BAG4: variants seen among roughly 807,000 people sequenced by gnomAD.
The protein encoded by BAG4 is BAG cochaperone 4.
In BAG4, 28 loss-of-function variants were observed where a neutral mutation model predicts 52.1. That is an observed-to-expected ratio of 0.54 (90% confidence interval 0.40 to 0.74). The LOEUF is 0.74. Ranked by LOEUF, BAG4 falls within the 30% of genes least tolerant of loss-of-function variation. The pLI is 0.00. For synonymous variants in BAG4, 208 were observed against 217.0 expected, an observed-to-expected ratio of 0.96 and a Z score of 0.37; for missense variants, 525 against 572.0, an observed-to-expected ratio of 0.92 and a Z score of 0.84.
chr8:38,182,762 C>T (rs1418978182), intron 1 of BAG4, among the ~76,000 whole-genome samples: 1 of 151,958 alleles, frequency 6.6e-6, no homozygotes, highest in Non-Finnish European at 1.5e-5. Context: ...CAGACTTTCA[C>T]TGTTACTAGG....
chr8:38,190,525 C>G (rs1479314997), intron 1 of BAG4, among the ~76,000 whole-genome samples: 1 of 150,668 alleles, frequency 6.6e-6, no homozygotes, highest in African/African-American at 2.4e-5. Context: ...AATTTCTGGA[C>G]TTTGCCTCTG....
intron 2 of BAG4, among the ~76,000 whole-genome samples, chr8:38,200,076 G>C (rs554386343): frequency 1.3e-5 from 2 of 149,902 alleles, no homozygotes; most frequent in South Asian, 2.1e-4. Flanking sequence ...TGCAATCTCT[G>C]CTCACTGAAA....
chr8:38,208,930 A>G, intron 3 of BAG4, 83 bp from the exon 4 acceptor site: 2 of 1,452,396 alleles, frequency 1.4e-6, no homozygotes, highest in Non-Finnish European at 1.9e-6. Flanking sequence ...GAAGAGAGGA[A>G]GCATCTCAGA....
chr8:38,186,223 A>G (rs1235359800), intron 1 of BAG4, among the ~76,000 whole-genome samples: 2 of 152,114 alleles, frequency 1.3e-5, no homozygotes, highest in African/African-American at 2.4e-5. Flanking sequence ...ACTGCTGAAA[A>G]TACTGGGGCT....
At chr8:38,187,866 C>CAAAA (rs35690753) in intron 1 of BAG4, among the ~76,000 whole-genome samples, 3 of 56,110 alleles carry the variant, frequency 5.3e-5, no homozygotes, top group Non-Finnish European at 1.1e-4. Context: ...ACTAAAAATA[C>CAAAA]AAAAAAAAAA....
In BAG4 at chr8:38,211,112, A is replaced by G. The variant is rs1010132175; in HGVS notation, c.*619A>G. 1.3e-5 allele frequency: 2 copies of G among 151,410 alleles called. No homozygotes were observed. The highest frequency in any genetic ancestry group is 2.4e-5 in the African/African-American group (1 of 41,204). The allele number at this position is 151,410 out of a possible 1,614,324, so 9.4% of individuals were successfully genotyped here. On this transcript the variant is annotated 3_prime_UTR_variant, in exon 5 of 5. Coordinates refer to ENST00000287322, the MANE Select transcript of BAG4 (RefSeq NM_004874.4). ...TAGTATGGCAGTTCTGAAAAAATTT[A>G]TATCTTTTCACCACTTGAATATACT...
intron 3 of BAG4, among the ~76,000 whole-genome samples, chr8:38,208,199 T>A (rs1255283449): frequency 6.6e-6 from 1 of 151,318 alleles, no homozygotes; most frequent in Non-Finnish European, 1.5e-5. Context: ...ATGGTCTTGA[T>A]CTCCTGACCT....
Position 38,189,840 on chromosome 8 carries a change from C to T in BAG4, c.271-2848C>T, listed in dbSNP as rs530332005. Among the ~76,000 whole-genome samples the T allele has an allele frequency of 8.8e-5, 11 of 125,670 alleles. No individual in the cohort carries two copies. The South Asian group carries it at 9.1e-4, about 10-fold the overall frequency. The allele number at this position is 125,670 out of a possible 152,430, so 82.4% of individuals were successfully genotyped here. A position where few individuals can be genotyped will look rare whatever the true frequency, so the allele number is the denominator to read the frequency against. On this transcript the variant is annotated intron_variant, in intron 1 of 4. Transcript: ENST00000287322. The stretch of plus-strand genomic sequence containing the variant: ...TGTTGTTGTTGTTGTTGTTTTGAGA[C>T]GGAGTCTCCCTCTGTTGCCCAGGCT...
intron 1 of BAG4, among the ~76,000 whole-genome samples, chr8:38,188,854 C>A (rs996673718): frequency 7.3e-5 from 11 of 151,026 alleles, no homozygotes; most frequent in African/African-American, 2.4e-4. Context: ...AGTGCAGTGG[C>A]ACGATCTTGG....
chr8:38,198,797 T>A (rs1352516559), intron 2 of BAG4, among the ~76,000 whole-genome samples: 2 of 152,148 alleles, frequency 1.3e-5, no homozygotes, highest in East Asian at 3.9e-4. Flanking sequence ...GTTTTTGTAT[T>A]TTTAAAACTG....
intron 2 of BAG4, among the ~76,000 whole-genome samples, chr8:38,197,397 T>C (rs968606507): frequency 4.6e-5 from 7 of 152,338 alleles, no homozygotes; most frequent in African/African-American, 1.4e-4. Context: ...TGTAACACCA[T>C]GGTTAGTACT....
At chr8:38,194,847 GTT>G (rs533901451) in intron 2 of BAG4, among the ~76,000 whole-genome samples, 9 of 116,492 alleles carry the variant, frequency 7.7e-5, no homozygotes, top group Admixed American at 3.7e-4. Context: ...GTTTTTTTTT[GTT>G]TTTTTTTTTT....
chr8:38,194,168 G>A lies in BAG4; in HGVS notation c.378+1373G>A, dbSNP rs72643091. On this transcript the variant is annotated intron_variant, in intron 2 of 4. Coordinates refer to ENST00000287322, the MANE Select transcript of BAG4 (RefSeq NM_004874.4). ...TTTACAAGCATGAGCCATCGTGCTC[G>A]GCCTGAAGTTATATTTATTACCCCA... Among the ~76,000 whole-genome samples the A allele has an allele frequency of 3.2e-3, 487 of 152,036 alleles. 3 individuals are homozygous for A. Among genetic ancestry groups the A allele is most frequent in the Non-Finnish European group, 3.5e-3 (235 of 67,980 alleles).
rs1384120261 is a variant in BAG4, at chr8:38,212,272, TACTG to T, written c.*1785_*1788del. The T allele has an allele frequency of 5.9e-5, 9 of 152,324 alleles. No homozygotes were observed. In the South Asian group the frequency reaches 1.2e-3, roughly 21 times the overall value. The allele number at this position is 152,324 out of a possible 1,614,324, so 9.4% of individuals were successfully genotyped here. ...AATTCAGAAGAGAACACTATTCTTT[TACTG>T]ACTGAGTGCCCAAGATGCCAATTTC... On this transcript the variant is annotated 3_prime_UTR_variant, in exon 5 of 5. Transcript: ENST00000287322.
chr8:38,188,036 C>CAAAAAA (rs1157770485), intron 1 of BAG4, among the ~76,000 whole-genome samples: 6 of 37,124 alleles, frequency 1.6e-4, no homozygotes, highest in African/African-American at 4.2e-4. Flanking sequence ...GACTCCGTCT[C>CAAAAAA]AAAAAAAAAA....
intron 1 of BAG4, among the ~76,000 whole-genome samples, chr8:38,192,222 A>T (rs1040161859): frequency 1.3e-5 from 2 of 152,184 alleles, no homozygotes; most frequent in African/African-American, 4.8e-5. Flanking sequence ...AGTCTTGAGG[A>T]TTAGTTATTG....
At chr8:38,191,579 T>G (rs1371394517) in intron 1 of BAG4, among the ~76,000 whole-genome samples, 1 of 151,960 alleles carries the variant, frequency 6.6e-6, no homozygotes, top group Non-Finnish European at 1.5e-5. Context: ...GCCAAAATAG[T>G]GAAACCCGGT....
intron 1 of BAG4, among the ~76,000 whole-genome samples, chr8:38,184,995 G>A (rs781408825): frequency 5.3e-5 from 8 of 151,922 alleles, no homozygotes; most frequent in Non-Finnish European, 7.4e-5. Context: ...AGGCTGAGGC[G>A]GGAGAATGGT....
chr8:38,198,380 A>G (rs1426887938), intron 2 of BAG4, among the ~76,000 whole-genome samples: 8 of 129,338 alleles, frequency 6.2e-5, no homozygotes, highest in African/African-American at 2.3e-4. Context: ...CGAGACTCCC[A>G]TCTCAAAAAA....
Sources: gnomAD v4.1 joint callset for allele counts (sites outside exome capture counted in the v4.1 genomes callset) on GRCh38, gnomAD v4.1.1 for gene constraint, MANE v1.5 for transcripts, NCBI Gene and HGNC (gene_info 2026-07-23, HGNC 2026-07-21) for gene names.